Variants in FBXL17 observed in about 807,000 individuals in gnomAD.
The protein encoded by FBXL17 is F-box and leucine rich repeat protein 17, also known as F-box/LRR-repeat protein 17.
Under a neutral mutation model 66.2 loss-of-function variants are expected in FBXL17, and 22 were observed. The ratio of observed to expected loss-of-function variants is 0.33; its 90% CI spans 0.24 to 0.47. The LOEUF is 0.47. FBXL17 is among the 20% of genes least tolerant of loss of function. The pLI is 1.00. For synonymous variants in FBXL17, 474 were observed against 400.5 expected (o/e 1.18, Z -2.19); for missense variants, 878 against 948.2 (o/e 0.93, Z 0.97).
intron 6 of FBXL17, among the ~76,000 whole-genome samples, chr5:108,050,778 G>GA (rs1747440976): frequency 1.3e-5 from 2 of 151,834 alleles, no homozygotes; most frequent in Admixed American, 1.3e-4. Context: ...CAGGTTTTTT[G>GA]AAAAAATTAA....
chr5:107,930,298 ACT>A (rs1246724752), intron 7 of FBXL17, among the ~76,000 whole-genome samples: 1 of 150,164 alleles, frequency 6.7e-6, no homozygotes, highest in Admixed American at 6.6e-5. Context: ...GACTCACCAA[ACT>A]CTCTCCCCTC....
chr5:108,090,889 C>A (rs1749162972), intron 6 of FBXL17, among the ~76,000 whole-genome samples: 1 of 151,178 alleles, frequency 6.6e-6, no homozygotes, highest in African/African-American at 2.4e-5. Flanking sequence ...TTTTCAAATG[C>A]CTGGTTGTAT....
At chr5:108,276,869 T>G (rs1757502680) in intron 4 of FBXL17, among the ~76,000 whole-genome samples, 1 of 152,108 alleles carries the variant, frequency 6.6e-6, no homozygotes, top group African/African-American at 2.4e-5. Flanking sequence ...AACAGAAAAT[T>G]TCCATTTAAA....
At chr5:107,953,437 C>T (rs190230642) in intron 7 of FBXL17, among the ~76,000 whole-genome samples, 362 of 148,808 alleles carry the variant, frequency 2.4e-3, no homozygotes, top group African/African-American at 8.7e-3. Flanking sequence ...CAGATGGAAT[C>T]CATGAAGTTG....
chr5:107,895,835 C>T (rs1749361714), intron 7 of FBXL17, among the ~76,000 whole-genome samples: 1 of 152,066 alleles, frequency 6.6e-6, no homozygotes, highest in Non-Finnish European at 1.5e-5. Context: ...ACATTTCCTC[C>T]CAGGTTTCTA....
At chr5:108,206,722 T>C (rs903835041) in intron 5 of FBXL17, among the ~76,000 whole-genome samples, 10 of 152,218 alleles carry the variant, frequency 6.6e-5, no homozygotes, top group African/African-American at 2.2e-4. Flanking sequence ...TAACACCCTG[T>C]GTGGTATTCC....
At chr5:108,022,316 C>G (rs1008572425) in intron 6 of FBXL17, among the ~76,000 whole-genome samples, 3 of 151,732 alleles carry the variant, frequency 2.0e-5, no homozygotes. Flanking sequence ...ATTTTAAAGC[C>G]TAATTCCACG....
chr5:108,238,325 A>G (rs1755696929), intron 4 of FBXL17, among the ~76,000 whole-genome samples: 1 of 152,200 alleles, frequency 6.6e-6, no homozygotes, highest in Non-Finnish European at 1.5e-5. Context: ...AGTCAAGACA[A>G]CAATATTTAC....
chr5:108,380,618 G>A (rs557164541), intron 1 of FBXL17, 81 bp downstream of exon 1: 4 of 924,800 alleles, frequency 4.3e-6, no homozygotes, highest in Non-Finnish European at 4.3e-6. Flanking sequence ...CCGCGCTTAG[G>A]GGGAGGAGAG....
At chr5:108,328,969 T>TC (rs2150233290) in intron 4 of FBXL17, among the ~76,000 whole-genome samples, 1 of 152,176 alleles carries the variant, frequency 6.6e-6, no homozygotes, top group South Asian at 2.1e-4. Flanking sequence ...TTGCTAAGGG[T>TC]CACTCAACTA....
intron 8 of FBXL17, chr5:107,878,915 T>C (rs1748695772): frequency 5.1e-6 from 5 of 985,430 alleles, no homozygotes; most frequent in South Asian, 9.4e-5. Flanking sequence ...CTGGAGCCAA[T>C]GGGTTCTCAG....
rs1749889675 is a variant in FBXL17, at chr5:108,381,290, A to C, written c.402T>G (p.Ala134=). The stretch of plus-strand genomic sequence containing the variant: ...CTTTGCAGCAGGAGGCGGGCGACGA[A>C]GCCGAGGCGGCAGCGGCGGCGGCGG... The part of the protein sequence containing the change: ...AAAAAAAAAS[A]SSPASCCKEL... Residue 134 remains alanine, a synonymous_variant, in exon 1 of 9, where the codon GCT becomes GCG. Transcript: ENST00000542267. 1 of 1,412,006 alleles carries C rather than the reference A, an allele frequency of 7.1e-7. No individual in the cohort carries two copies. Among genetic ancestry groups the C allele is most frequent in the South Asian group, 1.5e-5 (1 of 68,140 alleles). 87.5% of individuals were successfully genotyped at this position (1,412,006 alleles called of 1,614,324 possible). A position where few individuals can be genotyped will look rare whatever the true frequency, so the allele number is the denominator to read the frequency against.
chr5:108,044,011 A>G (rs1050415575), intron 6 of FBXL17, among the ~76,000 whole-genome samples: 19 of 152,240 alleles, frequency 1.2e-4, no homozygotes, highest in African/African-American at 4.6e-4. Context: ...GCTAGTATAC[A>G]GAAATACAAT....
At chr5:108,024,053 A>G (rs1033548116) in intron 6 of FBXL17, among the ~76,000 whole-genome samples, 7 of 152,036 alleles carry the variant, frequency 4.6e-5, no homozygotes, top group Non-Finnish European at 1.0e-4. Flanking sequence ...AGTTATTCCT[A>G]TTTTTCCCCA....
At chr5:108,061,011 G>A (rs1747898531) in intron 6 of FBXL17, among the ~76,000 whole-genome samples, 1 of 152,034 alleles carries the variant, frequency 6.6e-6, no homozygotes, top group African/African-American at 2.4e-5. Flanking sequence ...TCCTGACCAG[G>A]CATGGTGGCT....
At chr5:108,090,098 C>T (rs963467915) in intron 6 of FBXL17, among the ~76,000 whole-genome samples, 11 of 151,912 alleles carry the variant, frequency 7.2e-5, no homozygotes, top group African/African-American at 1.7e-4. Flanking sequence ...CAAAGTGCTG[C>T]GATTACAGGT....
intron 7 of FBXL17, among the ~76,000 whole-genome samples, chr5:107,889,125 T>C (rs1749108848): frequency 6.6e-6 from 1 of 152,168 alleles, no homozygotes; most frequent in African/African-American, 2.4e-5. Context: ...TGCCACACTT[T>C]AAAAAAATTT....
chr5:108,090,350 C>A (rs1009780679), intron 6 of FBXL17, among the ~76,000 whole-genome samples: 2 of 152,136 alleles, frequency 1.3e-5, no homozygotes, highest in African/African-American at 4.8e-5. Context: ...ATTGTGTGGA[C>A]CTTCCTTAGC....
chr5:108,232,804 T>TATATATATATATATATATATATATAA (rs1252750270), intron 4 of FBXL17, among the ~76,000 whole-genome samples: 1 of 112,030 alleles, frequency 8.9e-6, no homozygotes, highest in Non-Finnish European at 1.8e-5. Context: ...TATATATATA[T>TATATATATATATATATATATATATAA]AATATATACT....
Sources: gnomAD v4.1 joint callset for allele counts (sites outside exome capture counted in the v4.1 genomes callset) on GRCh38, gnomAD v4.1.1 for gene constraint, MANE v1.5 for transcripts, NCBI Gene and HGNC (gene_info 2026-07-23, HGNC 2026-07-21) for gene names.